Variants in MAGI1 observed in about 807,000 individuals in gnomAD.
The protein encoded by MAGI1 is membrane-associated guanylate kinase, WW and PDZ domain-containing protein 1.
A neutral mutation model predicts 139.9 loss-of-function variants in MAGI1; 58 were observed. The ratio of observed to expected loss-of-function variants is 0.41; its 90% CI spans 0.34 to 0.52. The LOEUF is 0.52. Among genes scored for constraint, MAGI1 ranks in the 20% least tolerant of loss-of-function variants. The pLI, the probability that MAGI1 is intolerant of heterozygous loss-of-function variation, is 0.12. For missense variants in MAGI1, 1,874 were observed against 1,901.6 expected, an observed-to-expected ratio of 0.99 and a Z score of 0.27; for synonymous variants, 812 against 737.9, an observed-to-expected ratio of 1.10 and a Z score of -1.63.
At chr3:66,001,550 G>A (rs185123491) in intron 1 of MAGI1, among the ~76,000 whole-genome samples, 1 of 152,144 alleles carries the variant, frequency 6.6e-6, no homozygotes, top group African/African-American at 2.4e-5. Context: ...ACTGGAGGAG[G>A]CAGGTCCGAT....
chr3:65,970,425 C>A (rs778535867), intron 1 of MAGI1, among the ~76,000 whole-genome samples: 5 of 151,490 alleles, frequency 3.3e-5, no homozygotes, highest in Non-Finnish European at 7.4e-5. Context: ...GTGGTGACGA[C>A]TGCACAACAA....
rs182995950 is a variant in MAGI1 at position 65,485,594 on chromosome 3, T to G, written c.551-6796A>C. On this transcript the variant is annotated intron_variant, in intron 3 of 22. Transcript: ENST00000402939. The stretch of plus-strand genomic sequence containing the variant: ...TGCCAGTCTCCAATCAGGCCTGATG[T>G]TGTAGATAGATAATAGGGTTAATGT... 2.4e-3 allele frequency among the ~76,000 whole-genome samples: 365 copies of G among 152,328 alleles called. 1 individual carries two copies. Among genetic ancestry groups the G allele is most frequent in the Non-Finnish European group, 3.3e-3 (226 of 68,028 alleles).
rs527340075 is a variant in MAGI1, at chr3:65,354,208, G to C, written c.*2170C>G. 69 of 152,622 alleles carry C rather than the reference G, an allele frequency of 4.5e-4. No homozygotes were observed. The highest frequency in any genetic ancestry group is 1.5e-3 in the African/African-American group (64 of 41,564). 9.5% of individuals were successfully genotyped at this position (152,622 alleles called of 1,614,324 possible). On this transcript the variant is annotated 3_prime_UTR_variant, in exon 23 of 23. Transcript: ENST00000402939. ...TGATGAAAAAGAACATCATTATTCA[G>C]TTGTACTCTTCCTCAGCCTTACTAC...
At chr3:65,424,107 A>ATG (rs1946828867) in intron 12 of MAGI1, among the ~76,000 whole-genome samples, 2 of 152,194 alleles carry the variant, frequency 1.3e-5, no homozygotes, top group South Asian at 4.1e-4. Context: ...CTTCTTGGGC[A>ATG]TGTGTGTGTG....
At chr3:65,483,744 G>T (rs1182882586) in intron 3 of MAGI1, among the ~76,000 whole-genome samples, 1 of 152,268 alleles carries the variant, frequency 6.6e-6, no homozygotes, top group East Asian at 1.9e-4. Flanking sequence ...TCAACAGGGA[G>T]GGTAGCCAGG....
At chr3:65,668,166 A>G (rs903817274) in intron 1 of MAGI1, among the ~76,000 whole-genome samples, 1 of 152,172 alleles carries the variant, frequency 6.6e-6, no homozygotes, top group Non-Finnish European at 1.5e-5. Context: ...CAGTTTTTCC[A>G]TCTGCAAGAT....
chr3:65,502,837 AG>A (rs1451862217), intron 2 of MAGI1, among the ~76,000 whole-genome samples: 1 of 152,138 alleles, frequency 6.6e-6, no homozygotes, highest in East Asian at 1.9e-4. Flanking sequence ...TGAAAAGAAA[AG>A]GTGTGTGGGT....
intron 1 of MAGI1, among the ~76,000 whole-genome samples, chr3:65,696,704 G>C (rs1238527535): frequency 6.6e-6 from 1 of 151,752 alleles, no homozygotes; most frequent in Non-Finnish European, 1.5e-5. Flanking sequence ...ATATACATTT[G>C]GATTCTCAAC....
chr3:65,875,073 C>A (rs563121322), intron 1 of MAGI1: 1 of 152,514 alleles, frequency 6.6e-6, no homozygotes, highest in East Asian at 1.9e-4. Flanking sequence ...AATAAACAAA[C>A]AATGGAATAA....
intron 1 of MAGI1, among the ~76,000 whole-genome samples, chr3:65,925,470 T>C (rs1313403168): frequency 6.6e-6 from 1 of 152,204 alleles, no homozygotes; most frequent in Admixed American, 6.5e-5. Flanking sequence ...AGTGACCACA[T>C]AATTCCCTGA....
intron 1 of MAGI1, among the ~76,000 whole-genome samples, chr3:65,665,622 G>A (rs370687783): frequency 8.5e-5 from 13 of 152,292 alleles, no homozygotes; most frequent in African/African-American, 2.9e-4. Flanking sequence ...ACCTAATCCT[G>A]TATTTCCCTT....
At chr3:65,474,637 ACACT>A (rs1950760593) in intron 4 of MAGI1, among the ~76,000 whole-genome samples, 1 of 152,142 alleles carries the variant, frequency 6.6e-6, no homozygotes, top group Non-Finnish European at 1.5e-5. Flanking sequence ...ACACACATGC[ACACT>A]CACTCACTCT....
chr3:65,617,294 T>C (rs1231124748), intron 2 of MAGI1, among the ~76,000 whole-genome samples: 1 of 152,160 alleles, frequency 6.6e-6, no homozygotes. Context: ...AAGATGACAG[T>C]TGAGTCCAGA....
At chr3:65,730,022 C>T (rs1340287564) in intron 1 of MAGI1, among the ~76,000 whole-genome samples, 1 of 152,106 alleles carries the variant, frequency 6.6e-6, no homozygotes, top group Non-Finnish European at 1.5e-5. Flanking sequence ...CCACACATAC[C>T]AAGAGTCTAA....
chr3:65,980,546 G>A (rs1390435900), intron 1 of MAGI1, among the ~76,000 whole-genome samples: 1 of 137,302 alleles, frequency 7.3e-6, no homozygotes, highest in African/African-American at 2.7e-5. Flanking sequence ...GCCTGGGCAA[G>A]AGACTGAGAC....
At chr3:65,800,220 G>C (rs944778163) in intron 1 of MAGI1, among the ~76,000 whole-genome samples, 1 of 152,176 alleles carries the variant, frequency 6.6e-6, no homozygotes, top group African/African-American at 2.4e-5. Flanking sequence ...CCTTTAGTAA[G>C]TGCTAATCCT....
chr3:65,419,440 G>A (rs953192848), intron 12 of MAGI1, among the ~76,000 whole-genome samples: 1 of 152,124 alleles, frequency 6.6e-6, no homozygotes, highest in Non-Finnish European at 1.5e-5. Flanking sequence ...CCAATACATT[G>A]ATTTCACAGC....
At chr3:65,930,837 AC>A in intron 1 of MAGI1, among the ~76,000 whole-genome samples, 1 of 152,312 alleles carries the variant, frequency 6.6e-6, no homozygotes, top group East Asian at 1.9e-4. Context: ...TGCCATGGCA[AC>A]GTCAGGAAGT....
intron 1 of MAGI1, among the ~76,000 whole-genome samples, chr3:65,759,059 C>A (rs1337849000): frequency 1.1e-4 from 11 of 98,018 alleles, no homozygotes; most frequent in African/African-American, 4.9e-4. Flanking sequence ...ACTGTTAGGC[C>A]CAGTGCAAAA....
Sources: gnomAD v4.1 joint callset for allele counts (sites outside exome capture counted in the v4.1 genomes callset) on GRCh38, gnomAD v4.1.1 for gene constraint, MANE v1.5 for transcripts, NCBI Gene and HGNC (gene_info 2026-07-23, HGNC 2026-07-21) for gene names.